ANKRD31: variants seen among roughly 807,000 people sequenced by gnomAD.
ANKRD31 encodes the protein ankyrin repeat domain-containing protein 31.
Under a neutral mutation model 186.0 loss-of-function variants are expected in ANKRD31, and 147 were observed. The ratio of observed to expected loss-of-function variants is 0.79; its 90% CI spans 0.69 to 0.91. The LOEUF (loss-of-function observed/expected upper bound fraction) is 0.91. ANKRD31 is among the 40% of genes least tolerant of loss of function. The pLI is 0.00. For synonymous variants in ANKRD31, 673 were observed against 736.4 expected (o/e 0.91, Z 1.39); for missense variants, 1,986 against 2,148.8 (o/e 0.92, Z 1.50).
intron 17 of ANKRD31, among the ~76,000 whole-genome samples, chr5:75,119,878 G>A (rs896654893): frequency 2.6e-5 from 4 of 151,910 alleles, no homozygotes; most frequent in Admixed American, 6.6e-5. Flanking sequence ...ATGTTTGTTG[G>A]CCACTTGTAT....
chr5:75,236,798 T>C lies in ANKRD31; in HGVS notation c.-112A>G, dbSNP rs959661581. 2 of 891,114 alleles carry C rather than the reference T, an allele frequency of 2.2e-6. No individual in the cohort carries two copies. The highest frequency in any genetic ancestry group is 2.9e-5 in the East Asian group (1 of 34,576). 55.2% of individuals were successfully genotyped at this position (891,114 alleles called of 1,614,324 possible). ...TTGTGAATTAAAAATAAAAATAATATAATCGCAGCAGGAGCCGGGACTTGT... is the reference window on the plus strand; with the variant it reads ...TTGTGAATTAAAAATAAAAATAATACAATCGCAGCAGGAGCCGGGACTTGT... On this transcript the variant is annotated 5_prime_UTR_variant, in exon 1 of 26. Coordinates refer to ENST00000506364, the MANE Select transcript of ANKRD31 (RefSeq NM_001372053.1).
chr5:75,134,797 C>T (rs1301463853), intron 17 of ANKRD31, among the ~76,000 whole-genome samples: 4 of 152,110 alleles, frequency 2.6e-5, no homozygotes, highest in Non-Finnish European at 5.9e-5. Context: ...AATCCAGTAG[C>T]ACATCAAAAA....
Position 75,186,307 on chromosome 5 carries a change from A to T in ANKRD31, c.1564+2186T>A, listed in dbSNP as rs572357719. 4.9e-4 allele frequency among the ~76,000 whole-genome samples: 75 copies of T among 152,346 alleles called. No homozygotes were observed. In the East Asian group the frequency reaches 0.011, roughly 23 times the overall value. ...TTCAAAGAGAATATAACACATTTTT[A>T]AAAAAGATTTATGATTACACTAAAA... On this transcript the variant is annotated intron_variant, in intron 10 of 25. Coordinates refer to ENST00000506364, the MANE Select transcript of ANKRD31 (RefSeq NM_001372053.1).
chr5:75,191,764 TTTC>T (rs1755132725), intron 9 of ANKRD31, among the ~76,000 whole-genome samples: 1 of 152,056 alleles, frequency 6.6e-6, no homozygotes, highest in Non-Finnish European at 1.5e-5. Context: ...GTATGATACG[TTTC>T]TTATTAGTTA....
At chr5:75,095,314 A>C (rs1746231497) in intron 22 of ANKRD31, among the ~76,000 whole-genome samples, 1 of 146,912 alleles carries the variant, frequency 6.8e-6, no homozygotes, top group Non-Finnish European at 1.5e-5. Flanking sequence ...CTAAAAATAC[A>C]AAAAAAAAAA....
intron 11 of ANKRD31, among the ~76,000 whole-genome samples, chr5:75,155,270 GTATGTATATATACATAA>G (rs1251523991): frequency 3.3e-5 from 5 of 151,878 alleles, no homozygotes; most frequent in Admixed American, 3.3e-4. Context: ...AGGTATGTAT[GTATGTATATATACATAA>G]TATGTATGTA....
intron 19 of ANKRD31, 32 bp from the exon 20 acceptor site, chr5:75,112,632 T>C (rs1481875892): frequency 7.4e-7 from 1 of 1,357,728 alleles, no homozygotes; most frequent in African/African-American, 1.5e-5. Context: ...AACTTCATTA[T>C]AAAGGGGTAG....
chr5:75,236,670 T>C lies in ANKRD31; in HGVS notation c.17A>G (p.Gln6Arg). 1 of 1,536,254 alleles carries C rather than the reference T, an allele frequency of 6.5e-7. No homozygotes were observed. Among genetic ancestry groups the C allele is most frequent in the Non-Finnish European group, 8.7e-7 (1 of 1,146,290 alleles). MEEGV[Q>R]APDWDSDETV... ...TTCATCACTGTCCCAGTCTGGGGCCTGGACGCCTTCCTCCATCTTTGCCTC... is the reference window on the plus strand; with the variant it reads ...TTCATCACTGTCCCAGTCTGGGGCCCGGACGCCTTCCTCCATCTTTGCCTC... Residue 6 changes from glutamine to arginine, a missense_variant, in exon 1 of 26, where the codon CAG (glutamine) becomes CGG (arginine). Coordinates refer to ENST00000506364, the MANE Select transcript of ANKRD31 (RefSeq NM_001372053.1).
In ANKRD31 at chr5:75,196,264, C is replaced by T. The variant is rs181053529; in HGVS notation, c.448-64G>A. The T allele has an allele frequency of 4.9e-5, 61 of 1,246,476 alleles. 2 individuals are homozygous for T. In the East Asian group the frequency reaches 1.4e-3, roughly 29 times the overall value. 77.2% of individuals were successfully genotyped at this position (1,246,476 alleles called of 1,614,324 possible). On this transcript the variant is annotated intron_variant, in intron 6 of 25. Coordinates refer to ENST00000506364, the MANE Select transcript of ANKRD31 (RefSeq NM_001372053.1). ...TACAATAAAGTATTTAAAATGAAAACTTTATAGTTTTATAGTTTATCTTGT... is the reference window on the plus strand; with the variant it reads ...TACAATAAAGTATTTAAAATGAAAATTTTATAGTTTTATAGTTTATCTTGT...
At chr5:75,110,242 T>C (rs1747660751) in intron 20 of ANKRD31, among the ~76,000 whole-genome samples, 1 of 152,188 alleles carries the variant, frequency 6.6e-6, no homozygotes, top group Non-Finnish European at 1.5e-5. Context: ...TTTGTAATTG[T>C]ATATATTTAA....
intron 25 of ANKRD31, among the ~76,000 whole-genome samples, chr5:75,079,913 G>A (rs1470024256): frequency 6.6e-6 from 1 of 151,882 alleles, no homozygotes; most frequent in Non-Finnish European, 1.5e-5. Context: ...GACCAGCCTG[G>A]GCAACATGGT....
chr5:75,102,311 C>T (rs988189965), intron 22 of ANKRD31, among the ~76,000 whole-genome samples: 10 of 152,160 alleles, frequency 6.6e-5, no homozygotes, highest in Non-Finnish European at 1.2e-4. Flanking sequence ...CTCAGAGGGG[C>T]GCCCAGCAGT....
intron 10 of ANKRD31, among the ~76,000 whole-genome samples, chr5:75,175,947 C>T (rs73131051): frequency 9.2e-5 from 14 of 152,010 alleles, no homozygotes; most frequent in African/African-American, 1.5e-4. Flanking sequence ...TCGCCACACC[C>T]GGGAAGCGCA....
intron 17 of ANKRD31, among the ~76,000 whole-genome samples, chr5:75,137,271 T>C (rs943045560): frequency 3.3e-5 from 5 of 152,208 alleles, no homozygotes; most frequent in Non-Finnish European, 5.9e-5. Context: ...AATAAGGGTT[T>C]TCTCCTATGC....
At chr5:75,086,485 A>T (rs1219633828) in intron 23 of ANKRD31, among the ~76,000 whole-genome samples, 1 of 152,230 alleles carries the variant, frequency 6.6e-6, no homozygotes, top group Non-Finnish European at 1.5e-5. Flanking sequence ...CTCTGGATTC[A>T]AATCTAGCTC....
At chr5:75,105,287 G>A in intron 21 of ANKRD31, 69 bp from the exon 22 acceptor site, 6 of 1,358,632 alleles carry the variant, frequency 4.4e-6, no homozygotes, top group African/African-American at 3.0e-5. Flanking sequence ...GTCACTTAGA[G>A]GTTAAAGATA....
chr5:75,183,509 T>C (rs1314270899), intron 10 of ANKRD31, among the ~76,000 whole-genome samples: 1 of 152,130 alleles, frequency 6.6e-6, no homozygotes, highest in Non-Finnish European at 1.5e-5. Context: ...GTCTTATATA[T>C]AGAAAGCCCT....
At chr5:75,152,345 G>A (rs527271393) in intron 12 of ANKRD31, among the ~76,000 whole-genome samples, 9 of 152,090 alleles carry the variant, frequency 5.9e-5, no homozygotes, top group South Asian at 2.1e-4. Flanking sequence ...GGTTTCCACC[G>A]CCAGCCTAAG....
At chr5:75,110,308 A>G (rs1398778750) in intron 20 of ANKRD31, among the ~76,000 whole-genome samples, 2 of 152,212 alleles carry the variant, frequency 1.3e-5, no homozygotes, top group Non-Finnish European at 2.9e-5. Flanking sequence ...AAGTATTTGC[A>G]GCAGTTATGG....
Sources: allele counts gnomAD v4.1 joint callset (sites outside exome capture counted in the v4.1 genomes callset), GRCh38; gene constraint gnomAD v4.1.1; transcripts MANE v1.5; gene names NCBI Gene and HGNC (gene_info 2026-07-23, HGNC 2026-07-21).